The following FCGR3A variants were observed in gnomAD, a reference collection of about 807,000 sequenced individuals.
FCGR3A encodes low affinity immunoglobulin gamma Fc region receptor III-A.
A neutral mutation model predicts 24.1 loss-of-function variants in FCGR3A; 13 were observed. The ratio of observed to expected loss-of-function variants is 0.54; its 90% CI spans 0.35 to 0.86. FCGR3A has a LOEUF of 0.86. Ranked by LOEUF, FCGR3A falls within the 40% of genes least tolerant of loss-of-function variation. The pLI, the probability that FCGR3A is intolerant of heterozygous loss-of-function variation, is 0.01. For synonymous variants in FCGR3A, 93 were observed against 112.2 expected (o/e 0.83, Z 1.08); for missense variants, 235 against 298.0 (o/e 0.79, Z 1.56).
At chr1:161,547,225 G>C (rs1274074455) in intron 3 of FCGR3A, among the ~76,000 whole-genome samples, 3 of 152,128 alleles carry the variant, frequency 2.0e-5, no homozygotes, top group Non-Finnish European at 2.9e-5. Flanking sequence ...ATATCTTCTT[G>C]TAGCTCTGGA....
Position 161,543,130 on chromosome 1 carries a change from A to G in FCGR3A, c.647T>C (p.Val216Ala). Residue 216 changes from valine to alanine, a missense_variant, in exon 5 of 5, where the codon GTA becomes GCA. By Grantham distance (64) the Val-to-Ala change is moderately conservative. Coordinates refer to ENST00000443193, the MANE Select transcript of FCGR3A (RefSeq NM_000569.8). ...TCCTGTGTCCACTGCAAAAAGGAGT[A>G]CCATCACCAAGCAGAAAGAGACTTG... Reference protein sequence around the residue: ...GYQVSFCLVMVLLFAVDTGLY... With the variant: ...GYQVSFCLVMALLFAVDTGLY... 1 of 1,613,566 alleles carries G rather than the reference A, an allele frequency of 6.2e-7. No individual in the cohort carries two copies. The highest frequency in any genetic ancestry group is 8.5e-7 in the Non-Finnish European group (1 of 1,179,670).
rs1173291220 is a variant in FCGR3A, at chr1:161,548,955, C to A, written c.61+56G>T. 1.2e-5 allele frequency: 19 copies of A among 1,585,336 alleles called. 1 individual carries two copies. The highest frequency in any genetic ancestry group is 1.6e-5 in the Non-Finnish European group (18 of 1,155,016). On this transcript the variant is annotated intron_variant, in intron 2 of 4. Coordinates refer to ENST00000443193, the MANE Select transcript of FCGR3A (RefSeq NM_000569.8). The stretch of plus-strand genomic sequence containing the variant: ...ACAAGCATTTCCCAATATCTTATGG[C>A]CTTTGTCCCCATATGTGCCCCACTG...
chr1:161,544,393 G>A (rs1677283260), intron 4 of FCGR3A, among the ~76,000 whole-genome samples: 1 of 151,932 alleles, frequency 6.6e-6, no homozygotes. Flanking sequence ...ATATGACACC[G>A]TGGGTGTGAT....
In FCGR3A at chr1:161,542,766, T is replaced by C. The variant is rs955452821; in HGVS notation, c.*246A>G. 3 of 387,032 alleles carry C rather than the reference T, an allele frequency of 7.8e-6. No homozygotes were observed. Among genetic ancestry groups the C allele is most frequent in the African/African-American group, 6.0e-5 (3 of 49,630 alleles). 24.0% of individuals were successfully genotyped at this position (387,032 alleles called of 1,614,324 possible). A position where few individuals can be genotyped will look rare whatever the true frequency, so the allele number is the denominator to read the frequency against. On this transcript the variant is annotated 3_prime_UTR_variant, in exon 5 of 5. Coordinates refer to ENST00000443193, the MANE Select transcript of FCGR3A (RefSeq NM_000569.8). ...GAACGGTTGGGACAGAAAAAGTGTT[T>C]GTGTAGCTCTGAAACTTCAATTTCT... is the stretch of plus-strand genomic sequence containing the variant.
In FCGR3A at chr1:161,548,901, C is replaced by A. The variant is rs565369144; in HGVS notation, c.61+110G>T. The A allele has an allele frequency of 1.6e-5, 20 of 1,233,742 alleles. No homozygotes were observed. In the African/African-American group the frequency reaches 2.5e-4, roughly 15 times the overall value. The allele number at this position is 1,233,742 out of a possible 1,614,324, so 76.4% of individuals were successfully genotyped here. A position where few individuals can be genotyped will look rare whatever the true frequency, so the allele number is the denominator to read the frequency against. Reference sequence around the variant, plus strand: ...TGCTGTGTTGGAGGAACTATCCCTGCTAACCCCACATCAGCATTTTCCCAT... The same window carrying A: ...TGCTGTGTTGGAGGAACTATCCCTGATAACCCCACATCAGCATTTTCCCAT... On this transcript the variant is annotated intron_variant, in intron 2 of 4. Transcript: ENST00000443193.
rs1677181223 is a variant in FCGR3A at position 161,542,877 on chromosome 1, TGG to T, written c.*133_*134del. 2.9e-6 allele frequency: 2 copies of T among 695,648 alleles called. No individual in the cohort carries two copies. Among genetic ancestry groups the T allele is most frequent in the African/African-American group, 3.6e-5 (2 of 55,782 alleles). 43.1% of individuals were successfully genotyped at this position (695,648 alleles called of 1,614,324 possible). A position where few individuals can be genotyped will look rare whatever the true frequency, so the allele number is the denominator to read the frequency against. On this transcript the variant is annotated 3_prime_UTR_variant, in exon 5 of 5. Transcript: ENST00000443193. ...TGGAGACCAAGGAAAAGTCGAGAGT[TGG>T]ATAAGGGATCTGGCTCTGAGTTCTA...
chr1:161,547,521 A>G (rs1385761368), intron 3 of FCGR3A, among the ~76,000 whole-genome samples: 1 of 152,198 alleles, frequency 6.6e-6, no homozygotes, highest in Non-Finnish European at 1.5e-5. Flanking sequence ...TCTGACGTCT[A>G]TATTCTGTTA....
chr1:161,544,849 C>T lies in FCGR3A; in HGVS notation c.429G>A (p.Gln143=). ...NTALHKVTYL[Q]NGKGRKYFHH... Reference sequence around the variant, plus strand: ...GAAAATACTTCCTGCCTTTGCCATTCTGTAAATATGTGACCTTATGCAGAG... The same window carrying T: ...GAAAATACTTCCTGCCTTTGCCATTTTGTAAATATGTGACCTTATGCAGAG... Residue 143 remains glutamine, a synonymous_variant, in exon 4 of 5, where the codon CAG becomes CAA. Coordinates refer to ENST00000443193, the MANE Select transcript of FCGR3A (RefSeq NM_000569.8). 2 of 1,613,926 alleles carry T rather than the reference C, an allele frequency of 1.2e-6. No homozygotes were observed. Among genetic ancestry groups the T allele is most frequent in the Non-Finnish European group, 1.7e-6 (2 of 1,179,940 alleles).
chr1:161,547,656 G>A (rs557552532), intron 3 of FCGR3A, among the ~76,000 whole-genome samples: 1 of 152,330 alleles, frequency 6.6e-6, no homozygotes, highest in Non-Finnish European at 1.5e-5. Flanking sequence ...GCATTGATGA[G>A]GAGACAGAAA....
chr1:161,543,105 T>A lies in FCGR3A; in HGVS notation c.672A>T (p.Gly224=). The A allele has an allele frequency of 1.2e-6, 2 of 1,613,368 alleles. No individual in the cohort carries two copies. Among genetic ancestry groups the A allele is most frequent in the Admixed American group, 1.7e-5 (1 of 59,952 alleles). The change falls in exon 5 of 5, where the codon GGA becomes GGT. Residue 224 remains glycine (G), a synonymous_variant. Transcript: ENST00000443193. ...TGTTTGTCTTCACAGAGAAATATAGTCCTGTGTCCACTGCAAAAAGGAGTA... is the reference window on the plus strand; with the variant it reads ...TGTTTGTCTTCACAGAGAAATATAGACCTGTGTCCACTGCAAAAAGGAGTA... ...VMVLLFAVDT[G]LYFSVKTNIR... is the part of the protein sequence containing the mutation.
chr1:161,547,863 A>G (rs186441871), intron 3 of FCGR3A, among the ~76,000 whole-genome samples: 610 of 152,358 alleles, frequency 4.0e-3, no homozygotes, highest in Admixed American at 0.01. Context: ...TGAGGTCAGG[A>G]GTTTGAGACC....
chr1:161,543,421 T>C (rs536721267), intron 4 of FCGR3A, among the ~76,000 whole-genome samples: 2 of 152,296 alleles, frequency 1.3e-5, no homozygotes, highest in East Asian at 3.9e-4. Context: ...CAAAGGCTCC[T>C]GCTTGTTTGA....
rs1453340304 is a variant in FCGR3A at position 161,542,318 on chromosome 1, C to A, written c.*694G>T. The A allele has an allele frequency of 6.6e-6, 1 of 151,280 alleles. No individual in the cohort carries two copies. The highest frequency in any genetic ancestry group is 1.5e-5 in the Non-Finnish European group (1 of 67,806). 9.4% of individuals were successfully genotyped at this position (151,280 alleles called of 1,614,324 possible). On this transcript the variant is annotated 3_prime_UTR_variant, in exon 5 of 5. Coordinates refer to ENST00000443193, the MANE Select transcript of FCGR3A (RefSeq NM_000569.8). ...CAATCCTCAGTCCCCTTCCTAGGACCATTTTCTACTCCTAGCATTAAGAGG... is the reference window on the plus strand; with the variant it reads ...CAATCCTCAGTCCCCTTCCTAGGACAATTTTCTACTCCTAGCATTAAGAGG...
At chr1:161,550,087 C>T (rs1398929034), upstream of FCGR3A, 2 of 576,790 alleles carry the variant, frequency 3.5e-6, no homozygotes, top group Admixed American at 3.2e-5. Context: ...GATTTGGATC[C>T]ACCCAGCACC....
In FCGR3A at chr1:161,542,858, C is replaced by G; in HGVS notation, c.*154G>C. 2 of 595,536 alleles carry G rather than the reference C, an allele frequency of 3.4e-6. No individual in the cohort carries two copies. The highest frequency in any genetic ancestry group is 5.7e-5 in the South Asian group (2 of 34,784). The allele number at this position is 595,536 out of a possible 1,614,324, so 36.9% of individuals were successfully genotyped here. A position where few individuals can be genotyped will look rare whatever the true frequency, so the allele number is the denominator to read the frequency against. On this transcript the variant is annotated 3_prime_UTR_variant, in exon 5 of 5. Coordinates refer to ENST00000443193, the MANE Select transcript of FCGR3A (RefSeq NM_000569.8). ...ATGGGCTTTTCCCTTCCACTGGAGACCAAGGAAAAGTCGAGAGTTGGATAA... is the reference window on the plus strand; with the variant it reads ...ATGGGCTTTTCCCTTCCACTGGAGAGCAAGGAAAAGTCGAGAGTTGGATAA...
At chr1:161,547,983 T>G (rs1348793330) in intron 3 of FCGR3A, among the ~76,000 whole-genome samples, 4 of 152,276 alleles carry the variant, frequency 2.6e-5, no homozygotes, top group African/African-American at 9.6e-5. Flanking sequence ...GGCAGGAGAA[T>G]CACTACAACC....
At chr1:161,549,506 C>T (rs978354869) in intron 1 of FCGR3A, among the ~76,000 whole-genome samples, 191 bp downstream of exon 1, 1 of 151,786 alleles carries the variant, frequency 6.6e-6, no homozygotes, top group South Asian at 2.1e-4. Flanking sequence ...CATGAGTATG[C>T]CCCAATTGGA....
At position 161,542,888 on chromosome 1, in the gene FCGR3A, T is replaced by C. The variant is rs929639692; in HGVS notation, c.*124A>G. The C allele has an allele frequency of 1.3e-6, 1 of 756,916 alleles. No individual in the cohort carries two copies. The allele number at this position is 756,916 out of a possible 1,614,324, so 46.9% of individuals were successfully genotyped here. ...GAAAAGTCGAGAGTTGGATAAGGGATCTGGCTCTGAGTTCTATGTTTCCTG... is the reference window on the plus strand; with the variant it reads ...GAAAAGTCGAGAGTTGGATAAGGGACCTGGCTCTGAGTTCTATGTTTCCTG... On this transcript the variant is annotated 3_prime_UTR_variant, in exon 5 of 5. Coordinates refer to ENST00000443193, the MANE Select transcript of FCGR3A (RefSeq NM_000569.8).
chr1:161,543,437 A>G (rs1677225865), intron 4 of FCGR3A, among the ~76,000 whole-genome samples: 1 of 152,178 alleles, frequency 6.6e-6, no homozygotes, highest in South Asian at 2.1e-4. Flanking sequence ...TTTGACAGAG[A>G]TGTGACAGGG....
Sources: gnomAD v4.1 joint callset for allele counts (sites outside exome capture counted in the v4.1 genomes callset) on GRCh38, gnomAD v4.1.1 for gene constraint, MANE v1.5 for transcripts, NCBI Gene and HGNC (gene_info 2026-07-23, HGNC 2026-07-21) for gene names.